TRMT11: variants seen among roughly 807,000 people sequenced by gnomAD.
TRMT11 encodes tRNA methyltransferase 11.
A neutral mutation model predicts 62.8 loss-of-function variants in TRMT11; 53 were observed. The ratio of observed to expected loss-of-function variants is 0.84; its 90% confidence interval spans 0.68 to 1.06. The LOEUF is 1.06. Ranked by LOEUF, TRMT11 falls within the 50% of genes least tolerant of loss-of-function variation. TRMT11 has a pLI of 0.00. For synonymous variants in TRMT11, 188 were observed against 190.3 expected, an observed-to-expected ratio of 0.99 and a Z score of 0.10; for missense variants, 556 against 553.4, an observed-to-expected ratio of 1.00 and a Z score of -0.05.
At chr6:126,217,971 T>G in the TRMT11 span, among the ~76,000 whole-genome samples, 3 of 152,080 alleles carry the variant, frequency 2.0e-5, no homozygotes, top group African/African-American at 7.2e-5. Context: ...CAAGACAATG[T>G]CCTTCCCACT....
At chr6:126,009,134 A>G (rs534106661) in intron 8 of TRMT11, among the ~76,000 whole-genome samples, 4 of 152,136 alleles carry the variant, frequency 2.6e-5, no homozygotes, top group South Asian at 4.1e-4. Context: ...ATATTTGGTT[A>G]AGATTATCAC....
chr6:126,258,024 T>C, the TRMT11 span: 1 of 1,481,136 alleles, frequency 6.8e-7, no homozygotes, highest in East Asian at 2.3e-5. Context: ...CAGCAGCTCC[T>C]CGACCCTGGC....
At chr6:126,220,046 A>G in the TRMT11 span, among the ~76,000 whole-genome samples, 1,674 of 152,308 alleles carry the variant, frequency 0.011, 28 homozygotes, top group African/African-American at 0.036. Context: ...GTAGTTATTC[A>G]GAGACTCAGG....
chr6:126,103,123 G>A (rs1777421436), intron 17 of TRMT11, among the ~76,000 whole-genome samples: 1 of 152,142 alleles, frequency 6.6e-6, no homozygotes, highest in Non-Finnish European at 1.5e-5. Flanking sequence ...AACTCTTCCT[G>A]GGACCCAGTG....
At chr6:126,024,399 C>T (rs954561201) in intron 12 of TRMT11, among the ~76,000 whole-genome samples, 3 of 152,150 alleles carry the variant, frequency 2.0e-5, no homozygotes, top group African/African-American at 7.2e-5. Context: ...CTTCTGGTGT[C>T]TCTTTCTCTT....
At chr6:126,228,795 G>C in the TRMT11 span, among the ~76,000 whole-genome samples, 1 of 152,132 alleles carries the variant, frequency 6.6e-6, no homozygotes, top group Non-Finnish European at 1.5e-5. Flanking sequence ...AGAGCTCCAC[G>C]AGCATTTGGG....
intron 21 of TRMT11, among the ~76,000 whole-genome samples, chr6:126,142,975 G>A (rs376805389): frequency 2.0e-5 from 3 of 152,148 alleles, no homozygotes; most frequent in South Asian, 2.1e-4. Context: ...GAAAATTATA[G>A]AGTGCTAAAG....
At chr6:126,085,011 A>G (rs527768134) in intron 17 of TRMT11, among the ~76,000 whole-genome samples, 1 of 152,306 alleles carries the variant, frequency 6.6e-6, no homozygotes, top group Non-Finnish European at 1.5e-5. Flanking sequence ...GAGGTACAGC[A>G]TGATGACTAT....
chr6:126,193,231 A>G (rs1162780020), intron 1 of TRMT11, among the ~76,000 whole-genome samples: 1 of 152,012 alleles, frequency 6.6e-6, no homozygotes, highest in African/African-American at 2.4e-5. Context: ...TATAGTCTCT[A>G]ATGATCCTTT....
downstream of TRMT11, among the ~76,000 whole-genome samples, chr6:126,041,684 C>T (rs1775884108): frequency 6.6e-6 from 1 of 152,102 alleles, no homozygotes; most frequent in Non-Finnish European, 1.5e-5. Flanking sequence ...GAAAAAAATT[C>T]TTTGTAGATA....
chr6:126,035,213 C>T (rs183345352), intron 12 of TRMT11, among the ~76,000 whole-genome samples: 2 of 152,072 alleles, frequency 1.3e-5, no homozygotes, highest in Admixed American at 1.3e-4. Flanking sequence ...ATGTGTTGGA[C>T]CATAGACATA....
chr6:126,178,586 A>G (rs1778417682), intron 1 of TRMT11, among the ~76,000 whole-genome samples: 1 of 152,202 alleles, frequency 6.6e-6, no homozygotes, highest in Admixed American at 6.5e-5. Flanking sequence ...TCTGACTTCT[A>G]TGCTAGATAC....
intron 1 of TRMT11, among the ~76,000 whole-genome samples, chr6:126,186,430 G>A (rs1436145382): frequency 6.6e-6 from 1 of 152,070 alleles, no homozygotes; most frequent in Non-Finnish European, 1.5e-5. Flanking sequence ...TCCTAGAATT[G>A]TAGAGTGATA....
At chr6:126,222,973 T>C in the TRMT11 span, among the ~76,000 whole-genome samples, 594 of 152,358 alleles carry the variant, frequency 3.9e-3, 1 homozygote, top group African/African-American at 0.013. Context: ...GTCTTTTGTT[T>C]CCATGCGTAG....
At position 125,986,598 on chromosome 6, in the gene TRMT11, G is replaced by T; in HGVS notation, c.48G>T (p.Gln16His). 1 of 1,583,056 alleles carries T rather than the reference G, an allele frequency of 6.3e-7. No individual in the cohort carries two copies. The highest frequency in any genetic ancestry group is 8.6e-7 in the Non-Finnish European group (1 of 1,167,132). The change falls in exon 1 of 13, where the codon CAG (glutamine) becomes CAT (histidine). Residue 16 changes from glutamine (Q) to histidine (H), a missense_variant. Transcript: ENST00000334379. ...ACAGGTATCTGCTCCTCATGGCGCA[G>T]GAGCATCTGGAGTTCCGCCTGCCGG... is the stretch of plus-strand genomic sequence containing the variant. ...TLNRYLLLMA[Q>H]EHLEFRLPEI...
chr6:126,151,561 A>G (rs569192006), intron 21 of TRMT11, among the ~76,000 whole-genome samples: 1 of 152,296 alleles, frequency 6.6e-6, no homozygotes, highest in Admixed American at 6.5e-5. Flanking sequence ...AACGATTGTT[A>G]ACTTAGGTCA....
the TRMT11 span, among the ~76,000 whole-genome samples, chr6:126,216,657 C>G: frequency 6.6e-6 from 1 of 152,090 alleles, no homozygotes. Context: ...CTCTTGCCAC[C>G]TTGAAGATCC....
downstream of TRMT11, chr6:126,202,266 G>A (rs991616583): frequency 6.6e-6 from 1 of 152,164 alleles, no homozygotes; most frequent in African/African-American, 2.4e-5. Flanking sequence ...TTAACATATT[G>A]TTGCCAACAT....
intron 4 of TRMT11, 31 bp downstream of exon 4, chr6:125,998,165 A>G (rs770800261): frequency 1.3e-6 from 2 of 1,595,970 alleles, no homozygotes; most frequent in South Asian, 2.2e-5. Context: ...TTATATAGGC[A>G]TGCGTGCAGA....
Sources: allele counts gnomAD v4.1 joint callset (sites outside exome capture counted in the v4.1 genomes callset), GRCh38; gene constraint gnomAD v4.1.1; transcripts MANE v1.5; gene names NCBI Gene and HGNC (gene_info 2026-07-23, HGNC 2026-07-21).